Variants in KLHL2 observed in about 807,000 individuals in gnomAD.
KLHL2 encodes kelch-like protein 2.
KLHL2 carries 15 observed loss-of-function variants against 75.8 expected under a neutral mutation model. That is an observed-to-expected ratio of 0.20 (90% CI 0.13 to 0.30). KLHL2 has a LOEUF of 0.30. KLHL2 is among the 10% of genes least tolerant of loss of function. The pLI, the probability that KLHL2 is intolerant of heterozygous loss-of-function variation, is 1.00. For synonymous variants in KLHL2, 214 were observed against 251.9 expected (o/e 0.85, Z 1.42); for missense variants, 381 against 741.0 (o/e 0.51, Z 5.64).
rs200696150 is a variant in KLHL2, at chr4:165,272,211, G to A, written c.544+8852G>A. On this transcript the variant is annotated intron_variant, in intron 5 of 14. Transcript: ENST00000226725. ...AATGTGATCTGAGTTCTAGGAAGCCGATTTACAGATGAGCTTTTAGAACAC... is the reference window on the plus strand; with the variant it reads ...AATGTGATCTGAGTTCTAGGAAGCCAATTTACAGATGAGCTTTTAGAACAC... 2.4e-3 allele frequency among the ~76,000 whole-genome samples: 370 copies of A among 152,214 alleles called. 4 individuals carry two copies. Among genetic ancestry groups the A allele is most frequent in the East Asian group, 0.012 (61 of 5,188 alleles).
intron 5 of KLHL2, among the ~76,000 whole-genome samples, chr4:165,264,733 T>TATAC (rs1742069099): frequency 2.5e-5 from 2 of 81,118 alleles, no homozygotes; most frequent in Non-Finnish European, 4.9e-5. Context: ...TATATATATA[T>TATAC]ATATATGTAT....
rs1274842710 is a variant in KLHL2 at position 165,294,284 on chromosome 4, A to C, written c.545-75A>C. The C allele has an allele frequency of 6.0e-6, 5 of 828,256 alleles. No homozygotes were observed. In the Admixed American group the frequency reaches 1.2e-4, roughly 20 times the overall value. The allele number at this position is 828,256 out of a possible 1,614,324, so 51.3% of individuals were successfully genotyped here. A position where few individuals can be genotyped will look rare whatever the true frequency, so the allele number is the denominator to read the frequency against. ...CTTAAGTTAGATTAAATTAAGAAAA[A>C]CCTTTTTTAAGCAGTTTGAAACTAT... On this transcript the variant is annotated intron_variant, in intron 5 of 14. Transcript: ENST00000226725.
At chr4:165,308,265 T>C (rs749042936) in intron 9 of KLHL2, among the ~76,000 whole-genome samples, 2 of 152,234 alleles carry the variant, frequency 1.3e-5, no homozygotes, top group East Asian at 3.9e-4. Context: ...TGCCATTTAC[T>C]AACTGGTTTC....
intron 5 of KLHL2, chr4:165,279,603 C>A: frequency 3.7e-6 from 6 of 1,610,408 alleles, no homozygotes; most frequent in Middle Eastern, 1.7e-4. Context: ...TGGTCCACTG[C>A]CCCCACCAAT....
At chr4:165,248,940 A>C (rs1241889667) in intron 4 of KLHL2, among the ~76,000 whole-genome samples, 1 of 152,202 alleles carries the variant, frequency 6.6e-6, no homozygotes, top group African/African-American at 2.4e-5. Context: ...ATTTGTGTAT[A>C]TATTTTATTT....
At chr4:165,311,333 C>G in intron 10 of KLHL2, 131 bp from the exon 11 acceptor site, 1 of 592,960 alleles carries the variant, frequency 1.7e-6, no homozygotes, top group Non-Finnish European at 3.0e-6. Flanking sequence ...CATGTAATTG[C>G]TGTGTTTATG....
At chr4:165,244,113 CT>C (rs1194833379) in intron 4 of KLHL2, among the ~76,000 whole-genome samples, 1 of 152,072 alleles carries the variant, frequency 6.6e-6, no homozygotes, top group Non-Finnish European at 1.5e-5. Context: ...GCAAAATCTT[CT>C]ATGAATTATA....
intron 4 of KLHL2, among the ~76,000 whole-genome samples, chr4:165,239,444 T>A (rs755162294): frequency 5.9e-5 from 9 of 152,062 alleles, no homozygotes; most frequent in Non-Finnish European, 1.0e-4. Context: ...TTTTCTTATT[T>A]TTTTGTAGAG....
intron 1 of KLHL2, among the ~76,000 whole-genome samples, chr4:165,212,758 A>G (rs1054877640): frequency 1.3e-5 from 2 of 152,168 alleles, no homozygotes; most frequent in African/African-American, 2.4e-5. Flanking sequence ...GTGGGATTCT[A>G]ATCTCTCTGT....
At chr4:165,251,620 T>G (rs1740707796) in intron 4 of KLHL2, among the ~76,000 whole-genome samples, 3 of 149,664 alleles carry the variant, frequency 2.0e-5, no homozygotes, top group East Asian at 3.9e-4. Flanking sequence ...TTTTTGTTTT[T>G]TTTTTTTGAG....
At chr4:165,276,562 T>C (rs900383970) in intron 5 of KLHL2, among the ~76,000 whole-genome samples, 1 of 152,180 alleles carries the variant, frequency 6.6e-6, no homozygotes, top group Non-Finnish European at 1.5e-5. Context: ...AAGATATTTT[T>C]AAAGATTGAC....
intron 5 of KLHL2, among the ~76,000 whole-genome samples, chr4:165,283,719 A>G (rs1743865409): frequency 6.6e-6 from 1 of 152,198 alleles, no homozygotes; most frequent in Non-Finnish European, 1.5e-5. Context: ...TCCACTAGGC[A>G]GTACCCCAGT....
intron 13 of KLHL2, among the ~76,000 whole-genome samples, chr4:165,316,294 A>G (rs906914393): frequency 1.3e-5 from 2 of 152,210 alleles, no homozygotes; most frequent in Admixed American, 6.5e-5. Context: ...CATGCCTTCC[A>G]TCATAGCAGG....
At position 165,322,204 on chromosome 4, in the gene KLHL2, C is replaced by T. The variant is rs1747038042; in HGVS notation, c.*144C>T. 1.4e-6 allele frequency: 1 copy of T among 735,372 alleles called. No individual in the cohort carries two copies. The highest frequency in any genetic ancestry group is 2.3e-6 in the Non-Finnish European group (1 of 430,010). 45.6% of individuals were successfully genotyped at this position (735,372 alleles called of 1,614,324 possible). On this transcript the variant is annotated 3_prime_UTR_variant, in exon 15 of 15. Coordinates refer to ENST00000226725, the MANE Select transcript of KLHL2 (RefSeq NM_007246.4). ...GATACGATCGTCTGCCTTTATAGGC[C>T]TCAGATACTGAAGATTATTTTTGGT... is the stretch of plus-strand genomic sequence containing the variant.
At chr4:165,228,300 C>A (rs1738615520) in intron 2 of KLHL2, among the ~76,000 whole-genome samples, 2 of 151,980 alleles carry the variant, frequency 1.3e-5, no homozygotes, top group Admixed American at 1.3e-4. Context: ...TTCAAATGTG[C>A]AAAGCCTTTT....
chr4:165,223,176 C>A (rs551974229), intron 2 of KLHL2, among the ~76,000 whole-genome samples: 1 of 152,224 alleles, frequency 6.6e-6, no homozygotes, highest in Non-Finnish European at 1.5e-5. Context: ...ACCCTGCAGT[C>A]ATATGTAAAC....
chr4:165,231,648 C>G (rs1021067186), intron 3 of KLHL2, among the ~76,000 whole-genome samples: 10 of 152,242 alleles, frequency 6.6e-5, no homozygotes, highest in South Asian at 4.2e-4. Context: ...TTTTGACTTT[C>G]CATTTACCAG....
Position 165,287,105 on chromosome 4 carries a change from G to A in KLHL2, c.545-7254G>A, listed in dbSNP as rs192213337. On this transcript the variant is annotated intron_variant, in intron 5 of 14. Coordinates refer to ENST00000226725, the MANE Select transcript of KLHL2 (RefSeq NM_007246.4). Reference sequence around the variant, plus strand: ...TTATTGTGAAACAGATCTCTAGAACGTCTTCATTTTGCAAAACTGAAACTC... The same window carrying A: ...TTATTGTGAAACAGATCTCTAGAACATCTTCATTTTGCAAAACTGAAACTC... 6.6e-4 allele frequency among the ~76,000 whole-genome samples: 100 copies of A among 152,174 alleles called. 1 individual carries two copies. The East Asian group carries it at 0.017, about 25-fold the overall frequency.
chr4:165,210,937 T>C (rs1737160467), intron 1 of KLHL2, among the ~76,000 whole-genome samples: 1 of 148,894 alleles, frequency 6.7e-6, no homozygotes, highest in Non-Finnish European at 1.5e-5. Context: ...TTACTCTCTG[T>C]AAGCCTTGAT....
Sources: gnomAD v4.1 joint callset for allele counts (sites outside exome capture counted in the v4.1 genomes callset) on GRCh38, gnomAD v4.1.1 for gene constraint, MANE v1.5 for transcripts, NCBI Gene and HGNC (gene_info 2026-07-23, HGNC 2026-07-21) for gene names.